Variants in KDM4C observed in about 807,000 individuals in gnomAD.
KDM4C encodes lysine-specific demethylase 4C.
A neutral mutation model predicts 129.3 loss-of-function variants in KDM4C; 81 were observed. The ratio of observed to expected loss-of-function variants is 0.63; its 90% CI spans 0.52 to 0.75. The LOEUF (loss-of-function observed/expected upper bound fraction) is 0.75, where lower values mean the gene tolerates loss of function less well. Among genes scored for constraint, KDM4C ranks in the 30% least tolerant of loss-of-function variants. KDM4C has a pLI of 0.00. For synonymous variants in KDM4C, 573 were observed against 456.1 expected (o/e 1.26, Z -3.26); for missense variants, 1,457 against 1,304.0 (o/e 1.12, Z -1.81).
chr9:6,932,237 A>C (rs1277412956), intron 8 of KDM4C, among the ~76,000 whole-genome samples: 1 of 152,246 alleles, frequency 6.6e-6, no homozygotes, highest in Non-Finnish European at 1.5e-5. Context: ...CCTTCAGAAC[A>C]GAGTGGAAGC....
Position 7,053,421 on chromosome 9 carries a change from T to C in KDM4C, c.2424+4221T>C, listed in dbSNP as rs1830478576. Among the ~76,000 whole-genome samples the C allele has an allele frequency of 2.0e-5, 3 of 152,146 alleles. No homozygotes were observed. In the South Asian group the frequency reaches 6.2e-4, roughly 31 times the overall value. ...TGGCCAGTTTTTAAAAAATGACAAC[T>C]AATGGAAAACAAGCCTTTTGGTGCT... On this transcript the variant is annotated intron_variant, in intron 17 of 21. Transcript: ENST00000381309.
intron 8 of KDM4C, among the ~76,000 whole-genome samples, chr9:6,915,786 C>T (rs1820198249): frequency 6.6e-6 from 1 of 152,068 alleles, no homozygotes; most frequent in African/African-American, 2.4e-5. Flanking sequence ...TTTTACACTT[C>T]CAGCTTCCTT....
intron 2 of KDM4C, among the ~76,000 whole-genome samples, 193 bp downstream of exon 2, chr9:6,793,325 A>G (rs563225836): frequency 5.2e-4 from 79 of 151,866 alleles, no homozygotes; most frequent in Admixed American, 3.9e-4. Flanking sequence ...AACTATTCAT[A>G]CTAGGTTGTC....
chr9:6,826,827 A>T (rs1220772847), intron 4 of KDM4C, among the ~76,000 whole-genome samples: 2 of 151,870 alleles, frequency 1.3e-5, no homozygotes, highest in African/African-American at 2.4e-5. Context: ...AGATCGCGCC[A>T]CTGCACTCCA....
Position 6,834,878 on chromosome 9 carries a change from C to G in KDM4C, c.436-14629C>G, listed in dbSNP as rs563918277. On this transcript the variant is annotated intron_variant, in intron 4 of 21. Coordinates refer to ENST00000381309, the MANE Select transcript of KDM4C (RefSeq NM_015061.6). ...CATGGCCATCCAGCCCGTGCTGTCC[C>G]TGTACTTCTTTGGCTGTACCACTGG... The G allele has an allele frequency of 5.8e-5, 76 of 1,310,912 alleles. No homozygotes were observed. In the African/African-American group the frequency reaches 1.0e-3, roughly 18 times the overall value. The allele number at this position is 1,310,912 out of a possible 1,614,324, so 81.2% of individuals were successfully genotyped here.
At chr9:7,116,829 A>C (rs946215416) in intron 18 of KDM4C, among the ~76,000 whole-genome samples, 1 of 152,158 alleles carries the variant, frequency 6.6e-6, no homozygotes, top group African/African-American at 2.4e-5. Flanking sequence ...TTCTCTCCTC[A>C]TGTAAGCAGT....
intron 6 of KDM4C, among the ~76,000 whole-genome samples, chr9:6,882,210 A>G (rs139254350): frequency 1.6e-4 from 25 of 152,318 alleles, no homozygotes; most frequent in Non-Finnish European, 1.0e-4. Context: ...AATTGTTACA[A>G]TTTTTATACT....
intron 17 of KDM4C, among the ~76,000 whole-genome samples, chr9:7,072,618 G>T (rs1833361616): frequency 6.6e-6 from 1 of 152,168 alleles, no homozygotes; most frequent in Non-Finnish European, 1.5e-5. Context: ...TTATGCATGG[G>T]TGGAGTCACT....
In KDM4C at chr9:7,175,100, C is replaced by G. The variant is rs1202844141; in HGVS notation, c.*371C>G. On this transcript the variant is annotated 3_prime_UTR_variant, in exon 22 of 22. Coordinates refer to ENST00000381309, the MANE Select transcript of KDM4C (RefSeq NM_015061.6). ...TCAGGAAACACACGGGGACCTCTCT[C>G]TCTAGCTCCAGCAGGTGGCACCTCG... 5.9e-6 allele frequency: 1 copy of G among 169,710 alleles called. No homozygotes were observed. Among genetic ancestry groups the G allele is most frequent in the Non-Finnish European group, 1.3e-5 (1 of 78,682 alleles). The allele number at this position is 169,710 out of a possible 1,614,324, so 10.5% of individuals were successfully genotyped here.
At chr9:6,855,868 A>G (rs776691923) in intron 5 of KDM4C, among the ~76,000 whole-genome samples, 1 of 152,084 alleles carries the variant, frequency 6.6e-6, no homozygotes, top group Non-Finnish European at 1.5e-5. Flanking sequence ...GAGCCCCACT[A>G]TTCATTCATT....
chr9:6,861,778 CTTT>C (rs747405487), intron 5 of KDM4C, among the ~76,000 whole-genome samples: 2 of 147,908 alleles, frequency 1.4e-5, no homozygotes, highest in Admixed American at 6.8e-5. Context: ...TTCTTTCTTT[CTTT>C]TTTTTTTTTC....
chr9:6,975,639 C>G (rs73397850), intron 8 of KDM4C, among the ~76,000 whole-genome samples: 27,832 of 152,178 alleles, frequency 0.18, 2,901 homozygotes, highest in South Asian at 0.38. Flanking sequence ...ATATACTTCT[C>G]TATAAGACAG....
chr9:7,035,395 T>C (rs1827468142), intron 15 of KDM4C, among the ~76,000 whole-genome samples: 1 of 149,214 alleles, frequency 6.7e-6, no homozygotes, highest in African/African-American at 2.5e-5. Flanking sequence ...GTAATCCTCT[T>C]TTTCAGATGA....
chr9:6,991,163 C>G (rs1487556046), intron 12 of KDM4C, among the ~76,000 whole-genome samples: 1 of 152,076 alleles, frequency 6.6e-6, no homozygotes, highest in Non-Finnish European at 1.5e-5. Flanking sequence ...ACTGCAGCCT[C>G]AACCTCCCAG....
intron 17 of KDM4C, among the ~76,000 whole-genome samples, chr9:7,092,045 T>C (rs1173985045): frequency 6.6e-6 from 1 of 152,240 alleles, no homozygotes; most frequent in African/African-American, 2.4e-5. Context: ...GTGGATCTTA[T>C]ACCCAAGCTC....
At chr9:7,109,765 C>T (rs1838109326) in intron 18 of KDM4C, among the ~76,000 whole-genome samples, 1 of 152,114 alleles carries the variant, frequency 6.6e-6, no homozygotes, top group African/African-American at 2.4e-5. Context: ...CCTTTTGGAG[C>T]CTCTTCTAGG....
At chr9:7,137,042 T>C (rs1841285766) in intron 19 of KDM4C, among the ~76,000 whole-genome samples, 1 of 152,254 alleles carries the variant, frequency 6.6e-6, no homozygotes, top group African/African-American at 2.4e-5. Flanking sequence ...ATGTGAACTT[T>C]CTTTAAACGA....
At chr9:6,892,990 T>C in intron 7 of KDM4C, 105 bp from the exon 8 acceptor site, 3 of 888,308 alleles carry the variant, frequency 3.4e-6, no homozygotes, top group Non-Finnish European at 4.7e-6. Context: ...TGCTCTGATA[T>C]CAAGACTTTT....
intron 8 of KDM4C, among the ~76,000 whole-genome samples, chr9:6,956,275 G>C (rs1049867403): frequency 1.3e-5 from 2 of 152,178 alleles, no homozygotes; most frequent in African/African-American, 4.8e-5. Context: ...TAACTCAAAG[G>C]ATAAATGCTT....
Sources: allele counts gnomAD v4.1 joint callset (sites outside exome capture counted in the v4.1 genomes callset), GRCh38; gene constraint gnomAD v4.1.1; transcripts MANE v1.5; gene names NCBI Gene and HGNC (gene_info 2026-07-23, HGNC 2026-07-21).